The following FBXO7 variants were observed in gnomAD, a reference collection of about 807,000 sequenced individuals.
FBXO7 encodes F-box protein 7, also known as F-box only protein 7.
A neutral mutation model predicts 50.2 loss-of-function variants in FBXO7; 31 were observed. The observed-to-expected ratio is 0.62, with a 90% CI of 0.46 to 0.83. FBXO7 has a LOEUF of 0.83. Ranked by LOEUF, FBXO7 falls within the 40% of genes least tolerant of loss-of-function variation. FBXO7 has a pLI of 0.00. For missense variants in FBXO7, 667 were observed against 646.6 expected, an observed-to-expected ratio of 1.03 and a Z score of -0.34; for synonymous variants, 256 against 253.1, an observed-to-expected ratio of 1.01 and a Z score of -0.11.
chr22:32,479,121 C>T lies in FBXO7; in HGVS notation c.263C>T (p.Pro88Leu), dbSNP rs1389984871. Reference protein sequence around the residue: ...LQDDIPAPNIPSSTDSEHSSL... With the variant: ...LQDDIPAPNILSSTDSEHSSL... ...GATGACATTCCAGCGCCTAATATAC[C>T]TTCATCCACAGATTCAGAGCATTCT... The change falls in exon 2 of 9, where the codon CCT (proline) becomes CTT (leucine). Residue 88 changes from proline to leucine, a missense_variant. Coordinates refer to ENST00000266087, the MANE Select transcript of FBXO7 (RefSeq NM_012179.4). 1 of 1,614,118 alleles carries T rather than the reference C, an allele frequency of 6.2e-7. No homozygotes were observed.
intron 7 of FBXO7, among the ~76,000 whole-genome samples, chr22:32,494,127 AG>A (rs1415475225): frequency 2.6e-4 from 38 of 143,420 alleles, no homozygotes; most frequent in Non-Finnish European, 4.2e-4. Flanking sequence ...AAAAAAAAAA[AG>A]AATATCATGT....
chr22:32,493,325 T>G, intron 7 of FBXO7, 44 bp downstream of exon 7: 2 of 1,538,644 alleles, frequency 1.3e-6, no homozygotes, highest in Non-Finnish European at 1.8e-6. Context: ...GCTCTTATTG[T>G]CTTGATTACT....
intron 2 of FBXO7, among the ~76,000 whole-genome samples, chr22:32,481,248 G>A (rs1298054626): frequency 6.6e-6 from 1 of 152,152 alleles, no homozygotes. Context: ...TTATCTGTGT[G>A]TTTCTGCCTC....
chr22:32,496,223 G>A (rs1406636252), intron 8 of FBXO7, among the ~76,000 whole-genome samples: 2 of 152,216 alleles, frequency 1.3e-5, no homozygotes, highest in African/African-American at 4.8e-5. Context: ...GCTCACGCCT[G>A]TAATCCCAGC....
intron 6 of FBXO7, 60 bp downstream of exon 6, chr22:32,491,241 T>TA (rs2057533521): frequency 1.8e-5 from 22 of 1,254,158 alleles, no homozygotes; most frequent in South Asian, 9.6e-5. Context: ...GTATACTTAA[T>TA]ATTCTTGGTG....
intron 1 of FBXO7, among the ~76,000 whole-genome samples, chr22:32,478,731 G>A (rs1277061972): frequency 2.0e-5 from 3 of 151,844 alleles, no homozygotes; most frequent in Admixed American, 6.6e-5. Flanking sequence ...AAAAACAAAC[G>A]AAAACAAAAA....
chr22:32,474,970 G>T lies in FBXO7; in HGVS notation c.-33G>T, dbSNP rs1242169012. 2.0e-6 allele frequency: 3 copies of T among 1,520,920 alleles called. No homozygotes were observed. Among genetic ancestry groups the T allele is most frequent in the Non-Finnish European group, 2.6e-6 (3 of 1,139,518 alleles). The allele number at this position is 1,520,920 out of a possible 1,614,324, so 94.2% of individuals were successfully genotyped here. On this transcript the variant is annotated 5_prime_UTR_variant, in exon 1 of 9. Coordinates refer to ENST00000266087, the MANE Select transcript of FBXO7 (RefSeq NM_012179.4). ...CGCCGCCGTCCCCGTCGCCGCTTCCGGGTCCAGGCCCCTCGGGCCGCCTGC... is the reference window on the plus strand; with the variant it reads ...CGCCGCCGTCCCCGTCGCCGCTTCCTGGTCCAGGCCCCTCGGGCCGCCTGC...
intron 2 of FBXO7, 30 bp downstream of exon 2, chr22:32,479,305 G>A (rs750512352): frequency 6.2e-7 from 1 of 1,607,946 alleles, no homozygotes; most frequent in Non-Finnish European, 8.5e-7. Context: ...ATATCAAATA[G>A]AGTAGGTGAT....
chr22:32,483,386 A>T (rs2145992477), intron 2 of FBXO7, among the ~76,000 whole-genome samples: 1 of 152,346 alleles, frequency 6.6e-6, no homozygotes, highest in East Asian at 1.9e-4. Flanking sequence ...TTGGGGAGGT[A>T]CTGGTGAATT....
At chr22:32,475,276 C>T in intron 1 of FBXO7, 152 bp downstream of exon 1, 1 of 1,585,078 alleles carries the variant, frequency 6.3e-7, no homozygotes, top group Non-Finnish European at 8.6e-7. Context: ...TCACGGGAGG[C>T]CCGGGCTCTT....
chr22:32,494,997 C>T (rs940324260), intron 7 of FBXO7, among the ~76,000 whole-genome samples: 2 of 152,194 alleles, frequency 1.3e-5, no homozygotes, highest in African/African-American at 2.4e-5. Flanking sequence ...ATAGCCGAGT[C>T]ATTCAGGACA....
intron 6 of FBXO7, 43 bp from the exon 7 acceptor site, chr22:32,493,059 GTTC>G (rs765104594): frequency 6.3e-7 from 1 of 1,581,800 alleles, no homozygotes; most frequent in South Asian, 1.1e-5. Flanking sequence ...AAAGCCAGAT[GTTC>G]TTTACTCAGT....
chr22:32,475,281 G>T (rs925691430), intron 1 of FBXO7, 157 bp downstream of exon 1: 38 of 1,589,270 alleles, frequency 2.4e-5, no homozygotes, highest in Non-Finnish European at 3.1e-5. Flanking sequence ...GGAGGCCCGG[G>T]CTCTTCCGGG....
rs367714958 is a variant in FBXO7 at position 32,498,577 on chromosome 22, A to T, written c.*47A>T. On this transcript the variant is annotated 3_prime_UTR_variant, in exon 9 of 9. Transcript: ENST00000266087. ...GGAGCTCCATTTGTTTTTGTTTCTAAACTACAGATGTCAACTCCTTGGGGT... is the reference window on the plus strand; with the variant it reads ...GGAGCTCCATTTGTTTTTGTTTCTATACTACAGATGTCAACTCCTTGGGGT... 3.8e-6 allele frequency: 6 copies of T among 1,581,746 alleles called. No homozygotes were observed. The African/African-American group carries it at 4.0e-5, about 11-fold the overall frequency.
intron 1 of FBXO7, among the ~76,000 whole-genome samples, chr22:32,478,510 A>G (rs1601503031): frequency 6.6e-6 from 1 of 152,188 alleles, no homozygotes; most frequent in African/African-American, 2.4e-5. Flanking sequence ...AGTTTTAGCC[A>G]TTAGAAATCT....
rs1435872093 is a variant in FBXO7 at position 32,483,916 on chromosome 22, T to G, written c.437T>G (p.Phe146Cys). The G allele has an allele frequency of 6.2e-7, 1 of 1,614,064 alleles. No homozygotes were observed. The change falls in exon 3 of 9, where the codon TTT becomes TGT. Residue 146 changes from phenylalanine to cysteine, a missense_variant. Physicochemically the swap from Phe to Cys is radical, Grantham distance 205 (BLOSUM62 -2). Transcript: ENST00000266087. ...TTTCAGTTAGGGCCTAGTCAAAATT[T>G]TGAAGCTGAGTCAATTCAAGATAAT... The part of the protein sequence containing the change: ...DDSMLGPSQN[F>C]EAESIQDNAH...
chr22:32,484,903 C>T (rs915183924), intron 3 of FBXO7, among the ~76,000 whole-genome samples, 165 bp from the exon 4 acceptor site: 1 of 152,064 alleles, frequency 6.6e-6, no homozygotes, highest in African/African-American at 2.4e-5. Flanking sequence ...ATATGGTTAT[C>T]CTACAATATA....
chr22:32,475,691 C>G (rs2057423618), intron 1 of FBXO7: 1 of 368,408 alleles, frequency 2.7e-6, no homozygotes, highest in Non-Finnish European at 4.9e-6. Flanking sequence ...GCGCCGAGCA[C>G]CGCGGTGAGC....
chr22:32,495,145 A>C (rs553678349), intron 7 of FBXO7, among the ~76,000 whole-genome samples: 1 of 152,308 alleles, frequency 6.6e-6, no homozygotes, highest in Non-Finnish European at 1.5e-5. Flanking sequence ...TTGGATTAGA[A>C]GCAGGTGACA....
Sources: gnomAD v4.1 joint callset for allele counts (sites outside exome capture counted in the v4.1 genomes callset) on GRCh38, gnomAD v4.1.1 for gene constraint, MANE v1.5 for transcripts, NCBI Gene and HGNC (gene_info 2026-07-23, HGNC 2026-07-21) for gene names.